Variants in CLCNKB observed in about 807,000 individuals in gnomAD.
The protein encoded by CLCNKB is chloride voltage-gated channel Kb.
A neutral mutation model predicts 83.8 loss-of-function variants in CLCNKB; 74 were observed. The ratio of observed to expected loss-of-function variants is 0.88; its 90% confidence interval spans 0.73 to 1.07. The LOEUF (loss-of-function observed/expected upper bound fraction) is 1.07. CLCNKB is among the 50% of genes least tolerant of loss of function. The pLI is 0.00. For synonymous variants in CLCNKB, 358 were observed against 356.6 expected (o/e 1.00, Z -0.04); for missense variants, 798 against 893.6 (o/e 0.89, Z 1.36).
In CLCNKB at chr1:16,044,356, T is replaced by TACACACACACACACACACACAC. The variant is rs1553127093; in HGVS notation, c.-7-129_-7-108dup. 1.1e-3 allele frequency: 409 copies of TACACACACACACACACACACAC among 375,362 alleles called. 3 individuals are homozygous for TACACACACACACACACACACAC. Among genetic ancestry groups the TACACACACACACACACACACAC allele is most frequent in the African/African-American group, 7.2e-3 (337 of 46,782 alleles). The allele number at this position is 375,362 out of a possible 1,614,324, so 23.3% of individuals were successfully genotyped here. ...ACAGACCTAGTGTGATAACTTCACA[T>TACACACACACACACACACACAC]ACACACACACACACACACACACGCA... is the stretch of plus-strand genomic sequence containing the variant. On this transcript the variant is annotated intron_variant, in intron 1 of 19. Transcript: ENST00000375679.
intron 19 of CLCNKB, 48 bp from the exon 20 acceptor site, chr1:16,056,821 A>G (rs1482879252): frequency 1.3e-6 from 1 of 742,796 alleles, no homozygotes; most frequent in Non-Finnish European, 2.3e-6. Flanking sequence ...CCCCCCTCAC[A>G]ACCTCCTCTA....
At position 16,049,191 on chromosome 1, in the gene CLCNKB, G is replaced by A; in HGVS notation, c.727G>A (p.Ala243Thr). The A allele has an allele frequency of 6.2e-7, 1 of 1,613,574 alleles. No individual in the cohort carries two copies. The highest frequency in any genetic ancestry group is 8.5e-7 in the Non-Finnish European group (1 of 1,180,000). Residue 243 changes from alanine to threonine, a missense_variant, in exon 8 of 20, where the codon GCC (alanine) becomes ACC (threonine). Coordinates refer to ENST00000375679, the MANE Select transcript of CLCNKB (RefSeq NM_000085.5). The part of the protein sequence containing the change: ...VWDYWRGFFA[A>T]TCGAFMFRLL... ...GGATTACTGGAGGGGCTTCTTTGCGGCCACCTGCGGGGCCTTCATGTTCCG... is the reference window on the plus strand; with the variant it reads ...GGATTACTGGAGGGGCTTCTTTGCGACCACCTGCGGGGCCTTCATGTTCCG...
chr1:16,053,444 T>C (rs190260606), intron 15 of CLCNKB, among the ~76,000 whole-genome samples, 195 bp from the exon 16 acceptor site: 2 of 152,102 alleles, frequency 1.3e-5, no homozygotes, highest in Non-Finnish European at 2.9e-5. Flanking sequence ...CGCAACTGGG[T>C]CATCGGCGAT....
At position 16,048,580 on chromosome 1, in the gene CLCNKB, G is replaced by C; in HGVS notation, c.653G>C (p.Ser218Thr). 6.2e-7 allele frequency: 1 copy of C among 1,613,228 alleles called. No homozygotes were observed. The highest frequency in any genetic ancestry group is 8.5e-7 in the Non-Finnish European group (1 of 1,179,604). ...GVATVFAAPF[S>T]GVLFSIEVMS... is the part of the protein sequence containing the mutation. ...GCCACAGTCTTTGCAGCTCCCTTCA[G>C]CGGTGAGACCCCTTCATGCCCCGCC... The change falls in exon 7 of 20, where the codon AGC (serine) becomes ACC (threonine). Residue 218 changes from serine to threonine, a missense_variant and splice_region_variant. Coordinates refer to ENST00000375679, the MANE Select transcript of CLCNKB (RefSeq NM_000085.5).
intron 2 of CLCNKB, among the ~76,000 whole-genome samples, chr1:16,045,284 C>T (rs2023066106): frequency 6.6e-6 from 1 of 152,202 alleles, no homozygotes; most frequent in South Asian, 2.1e-4. Context: ...CCAGGAACCT[C>T]CCAGTACAGG....
intron 1 of CLCNKB, 99 bp downstream of exon 1, chr1:16,043,979 C>T (rs1208230494): frequency 6.5e-6 from 1 of 154,414 alleles, no homozygotes; most frequent in Non-Finnish European, 1.4e-5. Context: ...TCACTTTGGC[C>T]CTGGTGGGAT....
In CLCNKB at chr1:16,045,604, C is replaced by T. The variant is rs1225742667; in HGVS notation, c.147C>T (p.Asp49=). The T allele has an allele frequency of 6.2e-7, 1 of 1,614,042 alleles. No individual in the cohort carries two copies. Among genetic ancestry groups the T allele is most frequent in the Non-Finnish European group, 8.5e-7 (1 of 1,179,924 alleles). The part of the protein sequence containing the change: ...LKQKLFRLGE[D]WYFLMTLGVL... ...AGAAGCTCTTCCGCCTGGGCGAGGA[C>T]TGGTACTTCCTGATGACCCTCGGGG... The change falls in exon 3 of 20, where the codon GAC becomes GAT. Residue 49 remains aspartate, a synonymous_variant. Transcript: ENST00000375679.
intron 17 of CLCNKB, 43 bp from the exon 18 acceptor site, chr1:16,055,632 T>C: frequency 6.2e-7 from 1 of 1,606,498 alleles, no homozygotes; most frequent in Non-Finnish European, 8.5e-7. Flanking sequence ...AGAGGCATCC[T>C]GGGGAGGCCA....
chr1:16,053,537 C>A, intron 15 of CLCNKB, 102 bp from the exon 16 acceptor site: 1 of 1,551,780 alleles, frequency 6.4e-7, no homozygotes. Context: ...CACTCCAGAG[C>A]CGTGGGTCCC....
Position 16,045,781 on chromosome 1 carries a change from G to A in CLCNKB, c.229+95G>A, listed in dbSNP as rs541359125. 1.0e-5 allele frequency: 13 copies of A among 1,285,606 alleles called. No homozygotes were observed. The South Asian group carries it at 1.1e-4, about 11-fold the overall frequency. 79.6% of individuals were successfully genotyped at this position (1,285,606 alleles called of 1,614,324 possible). A position where few individuals can be genotyped will look rare whatever the true frequency, so the allele number is the denominator to read the frequency against. ...ATGTCGCCAGGTGCAGCGGAGGTTG[G>A]GGGGGGTGCTCTGGGTGGGGATCTG... On this transcript the variant is annotated intron_variant, in intron 3 of 19. Coordinates refer to ENST00000375679, the MANE Select transcript of CLCNKB (RefSeq NM_000085.5).
rs1412014358 is a variant in CLCNKB at position 16,044,536 on chromosome 1, C to G, written c.44C>G (p.Pro15Arg). 44 of 1,607,196 alleles carry G rather than the reference C, an allele frequency of 2.7e-5. No individual in the cohort carries two copies. The highest frequency in any genetic ancestry group is 3.6e-5 in the Non-Finnish European group (42 of 1,177,708). Residue 15 changes from proline (P) to arginine (R), a missense_variant, in exon 2 of 20, where the codon CCT (proline) becomes CGT (arginine). By Grantham distance (103) the Pro-to-Arg change is moderately radical (BLOSUM62 -2). Transcript: ENST00000375679. Reference sequence around the variant, plus strand: ...CTGCGTGAAGGCTCCTCAGGGAACCCTGTGACTCTGCAGGAGCTGTGGGGC... The same window carrying G: ...CTGCGTGAAGGCTCCTCAGGGAACCGTGTGACTCTGCAGGAGCTGTGGGGC... ...VGLREGSSGN[P>R]VTLQELWGPC...
At chr1:16,048,727 GC>G (rs2023181683) in intron 7 of CLCNKB, 145 bp downstream of exon 7, 5 of 1,474,866 alleles carry the variant, frequency 3.4e-6, no homozygotes, top group Non-Finnish European at 4.5e-6. Flanking sequence ...CACAGCCACC[GC>G]CCCCCACCGG....
At chr1:16,056,106 A>G (rs1250963677) in intron 18 of CLCNKB, among the ~76,000 whole-genome samples, 2 of 152,196 alleles carry the variant, frequency 1.3e-5, no homozygotes, top group African/African-American at 4.8e-5. Context: ...CAAACGACTT[A>G]ACCACTCAGG....
At chr1:16,049,324 C>G (rs1029959691) in intron 8 of CLCNKB, 79 bp downstream of exon 8, 1 of 1,584,568 alleles carries the variant, frequency 6.3e-7, no homozygotes, top group African/African-American at 1.4e-5. Context: ...CCTGTGTACA[C>G]CCCTTGCTCT....
At chr1:16,045,005 C>T (rs1434213188) in intron 2 of CLCNKB, among the ~76,000 whole-genome samples, 1 of 152,172 alleles carries the variant, frequency 6.6e-6, no homozygotes, top group Non-Finnish European at 1.5e-5. Context: ...CTGACTGTCC[C>T]CTCAGCTACG....
At chr1:16,055,810 G>T (rs757107863) in intron 18 of CLCNKB, 52 bp downstream of exon 18, 5 of 1,546,440 alleles carry the variant, frequency 3.2e-6, no homozygotes, top group Non-Finnish European at 3.6e-6. Context: ...GGTGGGGGAA[G>T]AGCTGATGAG....
At chr1:16,049,537 C>T in intron 8 of CLCNKB, 81 bp from the exon 9 acceptor site, 1 of 1,284,880 alleles carries the variant, frequency 7.8e-7, no homozygotes, top group South Asian at 1.4e-5. Flanking sequence ...GCACCCCCTC[C>T]ACCCTGGGCT....
Position 16,044,181 on chromosome 1 carries a change from G to A in CLCNKB, c.-8+301G>A, listed in dbSNP as rs548876165. Among the ~76,000 whole-genome samples, 6 of 152,046 alleles carry A rather than the reference G, an allele frequency of 3.9e-5. No homozygotes were observed. The East Asian group carries it at 1.2e-3, about 30-fold the overall frequency. ...GGGTGGGAGCGGCTGCCACCGAAGG[G>A]GAAGGGGCTCTGAGCAGGGCTTGGG... On this transcript the variant is annotated intron_variant, in intron 1 of 19. Coordinates refer to ENST00000375679, the MANE Select transcript of CLCNKB (RefSeq NM_000085.5).
intron 13 of CLCNKB, 35 bp downstream of exon 13, chr1:16,051,582 G>A (rs763978492): frequency 8.7e-6 from 14 of 1,612,756 alleles, no homozygotes; most frequent in Non-Finnish European, 1.7e-6. Context: ...GAGAGTTTCG[G>A]GGTTCTTGGG....
Sources: allele counts gnomAD v4.1 joint callset (sites outside exome capture counted in the v4.1 genomes callset), GRCh38; gene constraint gnomAD v4.1.1; transcripts MANE v1.5; gene names NCBI Gene and HGNC (gene_info 2026-07-23, HGNC 2026-07-21).